ADCY3: variants seen among roughly 807,000 people sequenced by gnomAD.
The protein encoded by ADCY3 is adenylate cyclase 3.
ADCY3 carries 70 observed loss-of-function variants against 119.4 expected under a neutral mutation model. That is an observed-to-expected ratio of 0.59 (90% CI 0.48 to 0.72). The LOEUF (loss-of-function observed/expected upper bound fraction) is 0.72, where lower values mean the gene tolerates loss of function less well. ADCY3 is among the 30% of genes least tolerant of loss of function. The pLI is 0.00. For missense variants in ADCY3, 1,238 were observed against 1,541.6 expected (o/e 0.80, Z 3.30); for synonymous variants, 672 against 621.4 (o/e 1.08, Z -1.21).
intron 3 of ADCY3, among the ~76,000 whole-genome samples, chr2:24,848,334 G>A (rs140917767): frequency 0.033 from 5,083 of 152,186 alleles, 220 homozygotes; most frequent in African/African-American, 0.11. Flanking sequence ...CCTTTAATTC[G>A]GCCCATCCCT....
intron 3 of ADCY3, among the ~76,000 whole-genome samples, chr2:24,848,146 C>T (rs929089626): frequency 4.6e-5 from 7 of 152,242 alleles, no homozygotes; most frequent in African/African-American, 1.7e-4. Flanking sequence ...GTGACATGTT[C>T]ATGATGGCCA....
At chr2:24,900,344 C>CA (rs112576208) in intron 2 of ADCY3, among the ~76,000 whole-genome samples, 213 of 70,670 alleles carry the variant, frequency 3.0e-3, no homozygotes, top group South Asian at 5.7e-3. Context: ...GACTCTGTCT[C>CA]AAAAAAAAAA....
chr2:24,867,196 G>A (rs1244477830), intron 3 of ADCY3, among the ~76,000 whole-genome samples: 1 of 152,214 alleles, frequency 6.6e-6, no homozygotes, highest in Non-Finnish European at 1.5e-5. Context: ...AATGTAACGG[G>A]AGCAACAGTC....
intron 7 of ADCY3, 57 bp from the exon 8 acceptor site, chr2:24,838,679 A>AG (rs1184609234): frequency 1.9e-6 from 3 of 1,606,792 alleles, no homozygotes; most frequent in Non-Finnish European, 2.6e-6. Context: ...TCACACCCCC[A>AG]GGGGACAGTC....
Position 24,819,848 on chromosome 2 carries a change from T to G in ADCY3, c.*84A>C, listed in dbSNP as rs1667276529. 1 of 1,443,420 alleles carries G rather than the reference T, an allele frequency of 6.9e-7. No homozygotes were observed. The highest frequency in any genetic ancestry group is 9.4e-7 in the Non-Finnish European group (1 of 1,058,916). The allele number at this position is 1,443,420 out of a possible 1,614,324, so 89.4% of individuals were successfully genotyped here. A position where few individuals can be genotyped will look rare whatever the true frequency, so the allele number is the denominator to read the frequency against. On this transcript the variant is annotated 3_prime_UTR_variant, in exon 22 of 22. Coordinates refer to ENST00000679454, the MANE Select transcript of ADCY3 (RefSeq NM_004036.5). Reference sequence around the variant, plus strand: ...AACCTAAAGTCCATGAGTGTGCACTTCAATCCAGGAAGGTCGGGACTTCCT... The same window carrying G: ...AACCTAAAGTCCATGAGTGTGCACTGCAATCCAGGAAGGTCGGGACTTCCT...
At chr2:24,830,079 C>CCGTT (rs57908703) in intron 13 of ADCY3, among the ~76,000 whole-genome samples, 2 of 146,768 alleles carry the variant, frequency 1.4e-5, no homozygotes, top group African/African-American at 5.1e-5. Flanking sequence ...GTCTTGCTGT[C>CCGTT]GCCTAGGCTG....
In ADCY3 at chr2:24,836,959, G is replaced by C. The variant is rs748747982; in HGVS notation, c.1620C>G (p.Ser540Arg). ...CGGGCTTCTCCGACGTGGACCCACT[G>C]CTGTGGGCACTCCCGTTGGGCTCCT... is the stretch of plus-strand genomic sequence containing the variant. ...ETKEPNGSAHSSGSTSEKPEE... is the reference protein window; with the variant it reads ...ETKEPNGSAHRSGSTSEKPEE... The change falls in exon 9 of 22, where the codon AGC becomes AGG. Residue 540 changes from serine (S) to arginine (R), a missense_variant. Around this residue, in one of 7 missense-constraint regions of ADCY3, gnomAD observed 499 missense variants for 571.0 expected, o/e 0.87. Transcript: ENST00000679454. 1.2e-6 allele frequency: 2 copies of C among 1,613,800 alleles called. No individual in the cohort carries two copies. The highest frequency in any genetic ancestry group is 1.7e-6 in the Non-Finnish European group (2 of 1,180,050).
At chr2:24,890,777 AT>A (rs1009079672) in intron 2 of ADCY3, among the ~76,000 whole-genome samples, 14 of 150,838 alleles carry the variant, frequency 9.3e-5, no homozygotes, top group Admixed American at 1.3e-4. Context: ...TTTCCCACTA[AT>A]TTTTTTTTCT....
chr2:24,826,189 C>G, intron 15 of ADCY3, 63 bp from the exon 16 acceptor site: 1 of 1,445,060 alleles, frequency 6.9e-7, no homozygotes, highest in Non-Finnish European at 9.7e-7. Context: ...GGGCCTGATT[C>G]CCTCCAACTA....
At chr2:24,915,038 C>T (rs1238806796) in intron 2 of ADCY3, among the ~76,000 whole-genome samples, 1 of 152,218 alleles carries the variant, frequency 6.6e-6, no homozygotes, top group African/African-American at 2.4e-5. Context: ...CCATGTGTAC[C>T]TTCTGTCCTT....
intron 2 of ADCY3, among the ~76,000 whole-genome samples, chr2:24,906,893 G>C (rs1267667906): frequency 6.6e-6 from 1 of 152,152 alleles, no homozygotes. Flanking sequence ...CAGTTTGGGA[G>C]GCAGAGGCAG....
intron 6 of ADCY3, chr2:24,840,564 A>G (rs1484207064): frequency 2.1e-6 from 1 of 468,150 alleles, no homozygotes; most frequent in Non-Finnish European, 4.4e-6. Flanking sequence ...CCCTCGGAGA[A>G]GGGGGTAAAG....
At position 24,839,491 on chromosome 2, in the gene ADCY3, G is replaced by A. The variant is rs143809550; in HGVS notation, c.1355+382C>T. Among the ~76,000 whole-genome samples the A allele has an allele frequency of 7.7e-3, 1,176 of 152,348 alleles. 17 individuals carry two copies. Among genetic ancestry groups the A allele is most frequent in the African/African-American group, 0.027 (1,125 of 41,586 alleles). On this transcript the variant is annotated intron_variant, in intron 7 of 21. Transcript: ENST00000679454. ...GCGACCTGCAAAACGCTGCCTGCGAGCCCGCTAGCTGATGACTGCTCATTA... is the reference window on the plus strand; with the variant it reads ...GCGACCTGCAAAACGCTGCCTGCGAACCCGCTAGCTGATGACTGCTCATTA...
At chr2:24,836,816 G>C in intron 9 of ADCY3, 101 bp downstream of exon 9, 1 of 1,489,470 alleles carries the variant, frequency 6.7e-7, no homozygotes, top group South Asian at 1.4e-5. Flanking sequence ...GTGGTGGCCA[G>C]GTCTCCCCAG....
intron 3 of ADCY3, among the ~76,000 whole-genome samples, chr2:24,856,620 C>T (rs755506461): frequency 2.0e-5 from 3 of 152,176 alleles, no homozygotes; most frequent in Admixed American, 6.5e-5. Context: ...GATGAGGGGA[C>T]GAAGTACCAC....
chr2:24,916,699 G>A (rs1664501915), intron 2 of ADCY3, among the ~76,000 whole-genome samples: 1 of 152,032 alleles, frequency 6.6e-6, no homozygotes, highest in Non-Finnish European at 1.5e-5. Context: ...AAAGAACCTG[G>A]GACTGGCTAA....
chr2:24,918,772 C>A lies in ADCY3; in HGVS notation c.216G>T (p.Arg72Ser). 1 of 1,614,018 alleles carries A rather than the reference C, an allele frequency of 6.2e-7. No homozygotes were observed. The highest frequency in any genetic ancestry group is 8.5e-7 in the Non-Finnish European group (1 of 1,180,026). The change falls in exon 2 of 22, where the codon AGG (arginine) becomes AGT (serine). Residue 72 changes from arginine (R) to serine (S), a missense_variant. Physicochemically the swap from Arg to Ser is moderately radical, Grantham distance 110. Transcript: ENST00000679454. This position sits in a 1 kb window ranked among gnomAD's most constrained non-coding sequence, Gnocchi z 5.4. ...GCACCAGCAGGGTCTCGTGGCGCTG[C>A]CTTTTGAAGTAGGTCTGGTAGAGGT... ...LENLYQTYFK[R>S]QRHETLLVLV...
rs772664258 is a variant in ADCY3, at chr2:24,841,701, C to T, written c.957-34G>A. 4 of 1,557,324 alleles carry T rather than the reference C, an allele frequency of 2.6e-6. No homozygotes were observed. The highest frequency in any genetic ancestry group is 3.4e-5 in the Admixed American group (2 of 58,746). On this transcript the variant is annotated intron_variant, in intron 4 of 21. Coordinates refer to ENST00000679454, the MANE Select transcript of ADCY3 (RefSeq NM_004036.5). The surrounding 1 kb of genome is among the most constrained non-coding windows in gnomAD (Gnocchi z 5.8). ...GGAAGGAACCGTGGGGGTGACGCTC[C>T]AGGCAGCCAGGTGTACCCGACCCCA...
intron 9 of ADCY3, among the ~76,000 whole-genome samples, chr2:24,836,411 C>T (rs112535484): frequency 0.017 from 2,545 of 152,334 alleles, 74 homozygotes; most frequent in African/African-American, 0.058. Context: ...AGTGAACGTG[C>T]TCCAGACGCC....
Sources: gnomAD v4.1 joint callset for allele counts (sites outside exome capture counted in the v4.1 genomes callset) on GRCh38, gnomAD v4.1.1 for gene constraint, gnomAD v4.1.1 regional missense constraint, Gnocchi (gnomAD v3.1) non-coding constraint, MANE v1.5 for transcripts, NCBI Gene and HGNC (gene_info 2026-07-23, HGNC 2026-07-21) for gene names.